The following KCNH5 variants were observed in gnomAD, a reference collection of about 807,000 sequenced individuals.
KCNH5 encodes voltage-gated delayed rectifier potassium channel KCNH5.
Under a neutral mutation model 96.1 loss-of-function variants are expected in KCNH5, and 46 were observed. The observed-to-expected ratio is 0.48, with a 90% confidence interval of 0.38 to 0.61. KCNH5 has a LOEUF of 0.61. Among genes scored for constraint, KCNH5 ranks in the 20% least tolerant of loss-of-function variants. KCNH5 has a pLI of 0.00. For missense variants in KCNH5, 907 were observed against 1,225.8 expected (o/e 0.74, Z 3.88); for synonymous variants, 439 against 449.8 (o/e 0.98, Z 0.30).
Position 62,983,870 on chromosome 14 carries a change from T to C in KCNH5, c.550-2606A>G, listed in dbSNP as rs184027638. ...ATCTGTCTTACATTTCTTTAGACAT[T>C]CAGGACCCAATTCTCTAGACAGTGA... On this transcript the variant is annotated intron_variant, in intron 5 of 10. Coordinates refer to ENST00000322893, the MANE Select transcript of KCNH5 (RefSeq NM_139318.5). Among the ~76,000 whole-genome samples the C allele has an allele frequency of 3.7e-3, 560 of 152,214 alleles. 4 individuals carry two copies. The highest frequency in any genetic ancestry group is 6.3e-3 in the Non-Finnish European group (431 of 68,022).
chr14:62,929,484 A>C (rs1889539397), intron 7 of KCNH5, among the ~76,000 whole-genome samples: 1 of 151,996 alleles, frequency 6.6e-6, no homozygotes, highest in South Asian at 2.1e-4. Context: ...CATCCACAGA[A>C]CAATGGTCAC....
Position 62,981,080 on chromosome 14 carries a change from A to C in KCNH5, c.734T>G (p.Ile245Arg). The C allele has an allele frequency of 1.2e-6, 2 of 1,614,190 alleles. No homozygotes were observed. The highest frequency in any genetic ancestry group is 1.7e-6 in the Non-Finnish European group (2 of 1,180,018). The change falls in exon 6 of 11, where the codon ATA becomes AGA. Residue 245 changes from isoleucine to arginine, a missense_variant. By Grantham distance (97) the Ile-to-Arg change is moderately conservative (BLOSUM62 -3). Transcript: ENST00000322893. ...CACACTATCCAGTACCAGCCAGGCT[A>C]TGTTGTTCTGCTTTGTTTTGAAGGA... ...NVSFKTKQNN[I>R]AWLVLDSVVD...
At chr14:62,797,373 A>C (rs181656457) in intron 9 of KCNH5, among the ~76,000 whole-genome samples, 4 of 152,338 alleles carry the variant, frequency 2.6e-5, no homozygotes, top group African/African-American at 9.6e-5. Flanking sequence ...GCCCTTTATA[A>C]AAATATCTGA....
intron 7 of KCNH5, among the ~76,000 whole-genome samples, chr14:62,947,334 T>C (rs1820837719): frequency 2.0e-5 from 3 of 152,190 alleles, no homozygotes; most frequent in Admixed American, 2.0e-4. Context: ...TCTTACCACT[T>C]TGTATACGTA....
intron 7 of KCNH5, among the ~76,000 whole-genome samples, chr14:62,873,807 T>TGACTGTCA (rs1888312083): frequency 6.6e-6 from 1 of 151,852 alleles, no homozygotes; most frequent in Non-Finnish European, 1.5e-5. Context: ...CCTCAAGGGG[T>TGACTGTCA]GACTGTCACC....
intron 10 of KCNH5, among the ~76,000 whole-genome samples, chr14:62,760,098 C>T (rs1885715237): frequency 6.6e-6 from 1 of 152,138 alleles, no homozygotes; most frequent in Non-Finnish European, 1.5e-5. Context: ...ATCCAGGAGG[C>T]TGGATCTGAT....
intron 7 of KCNH5, among the ~76,000 whole-genome samples, chr14:62,913,399 T>C (rs2140102592): frequency 6.6e-6 from 1 of 151,254 alleles, no homozygotes; most frequent in East Asian, 1.9e-4. Flanking sequence ...GGCTAATTTT[T>C]GTATTTTTAG....
intron 9 of KCNH5, among the ~76,000 whole-genome samples, chr14:62,790,308 G>A (rs1018870062): frequency 4.0e-5 from 6 of 151,764 alleles, no homozygotes; most frequent in African/African-American, 1.4e-4. Flanking sequence ...CTAGACATTT[G>A]TAATATAATT....
At chr14:62,868,048 G>C (rs1888169833) in intron 7 of KCNH5, among the ~76,000 whole-genome samples, 1 of 152,220 alleles carries the variant, frequency 6.6e-6, no homozygotes, top group Non-Finnish European at 1.5e-5. Context: ...GCTGTTCTCT[G>C]TCAAATTGAA....
chr14:62,903,758 A>T (rs1888974386), intron 7 of KCNH5, among the ~76,000 whole-genome samples: 1 of 152,190 alleles, frequency 6.6e-6, no homozygotes, highest in South Asian at 2.1e-4. Context: ...ATCTAAAGAG[A>T]AAAATAATGA....
chr14:62,957,930 T>C (rs915375665), intron 6 of KCNH5, among the ~76,000 whole-genome samples: 4 of 152,202 alleles, frequency 2.6e-5, no homozygotes, highest in African/African-American at 7.2e-5. Context: ...GAATAAATTA[T>C]GGTGGATATT....
At chr14:62,842,625 C>T (rs1303300684) in intron 8 of KCNH5, among the ~76,000 whole-genome samples, 3 of 152,164 alleles carry the variant, frequency 2.0e-5, no homozygotes, top group Non-Finnish European at 4.4e-5. Context: ...GCGTCTCTTG[C>T]TCAACAAGCA....
chr14:62,750,615 C>T (rs1379599539), intron 10 of KCNH5, among the ~76,000 whole-genome samples: 1 of 152,132 alleles, frequency 6.6e-6, no homozygotes. Flanking sequence ...CCTTGGGCAG[C>T]AAAACAGCAT....
At chr14:62,818,263 A>G (rs1887040776) in intron 8 of KCNH5, among the ~76,000 whole-genome samples, 2 of 152,070 alleles carry the variant, frequency 1.3e-5, no homozygotes, top group Admixed American at 6.6e-5. Flanking sequence ...TAACTGTGTG[A>G]GATGATAGAT....
At chr14:62,996,878 CT>C (rs997843698) in intron 4 of KCNH5, among the ~76,000 whole-genome samples, 2 of 152,106 alleles carry the variant, frequency 1.3e-5, no homozygotes, top group African/African-American at 4.8e-5. Context: ...CAAATACATA[CT>C]TTTTTGAGAG....
At chr14:62,912,436 C>T (rs533867449) in intron 7 of KCNH5, among the ~76,000 whole-genome samples, 6 of 150,090 alleles carry the variant, frequency 4.0e-5, no homozygotes, top group African/African-American at 9.8e-5. Flanking sequence ...GACGGAGTTT[C>T]GCTTTTTTCG....
intron 10 of KCNH5, among the ~76,000 whole-genome samples, chr14:62,763,735 C>T (rs1885802059): frequency 6.6e-6 from 1 of 152,046 alleles, no homozygotes; most frequent in Non-Finnish European, 1.5e-5. Context: ...ATAAAAAACC[C>T]TCATAGGCTA....
chr14:62,901,279 C>G (rs1177898056), intron 7 of KCNH5, among the ~76,000 whole-genome samples: 1 of 151,090 alleles, frequency 6.6e-6, no homozygotes, highest in African/African-American at 2.4e-5. Context: ...GATTTCTTAC[C>G]TAGGTATATT....
chr14:62,798,011 C>T lies in KCNH5; in HGVS notation c.1822+4318G>A, dbSNP rs185339023. ...GGATTACAGGCATGAGCCACCATGC[C>T]CAGCCTACAATGGATTTTAAATAAC... On this transcript the variant is annotated intron_variant, in intron 9 of 10. Coordinates refer to ENST00000322893, the MANE Select transcript of KCNH5 (RefSeq NM_139318.5). Among the ~76,000 whole-genome samples, 26 of 152,232 alleles carry T rather than the reference C, an allele frequency of 1.7e-4. No individual in the cohort carries two copies. The East Asian group carries it at 4.6e-3, about 27-fold the overall frequency.
Sources: gnomAD v4.1 joint callset for allele counts (sites outside exome capture counted in the v4.1 genomes callset) on GRCh38, gnomAD v4.1.1 for gene constraint, MANE v1.5 for transcripts, NCBI Gene and HGNC (gene_info 2026-07-23, HGNC 2026-07-21) for gene names.